The following PCDH7 variants were observed in gnomAD, a reference collection of about 807,000 sequenced individuals.
The protein encoded by PCDH7 is protocadherin-7.
In PCDH7, 17 loss-of-function variants were observed where a neutral mutation model predicts 58.9. The ratio of observed to expected loss-of-function variants is 0.29; its 90% CI spans 0.20 to 0.43. PCDH7 has a LOEUF of 0.43. Ranked by LOEUF, PCDH7 falls within the 20% of genes least tolerant of loss-of-function variation. The pLI, the probability that PCDH7 is intolerant of heterozygous loss-of-function variation, is 1.00. For synonymous variants in PCDH7, 664 were observed against 616.4 expected, an observed-to-expected ratio of 1.08 and a Z score of -1.14; for missense variants, 1,274 against 1,441.0, an observed-to-expected ratio of 0.88 and a Z score of 1.88.
At chr4:30,738,396 G>GAA (rs34376526) in intron 1 of PCDH7, among the ~76,000 whole-genome samples, 1 of 136,198 alleles carries the variant, frequency 7.3e-6, no homozygotes, top group African/African-American at 2.7e-5. Context: ...TTCTTAAATT[G>GAA]AAAAAAAAAA....
At chr4:30,922,295 C>T (rs1346516500) in intron 2 of PCDH7, among the ~76,000 whole-genome samples, 1 of 151,866 alleles carries the variant, frequency 6.6e-6, no homozygotes, top group East Asian at 1.9e-4. Flanking sequence ...ATTACCTGTT[C>T]ATGAGAACAT....
At chr4:31,050,722 C>T (rs1423036324) in intron 3 of PCDH7, among the ~76,000 whole-genome samples, 3 of 152,092 alleles carry the variant, frequency 2.0e-5, no homozygotes, top group African/African-American at 4.8e-5. Flanking sequence ...ATTAAGTTAC[C>T]TCTACTTCTA....
chr4:31,072,577 A>C (rs1202823030), intron 3 of PCDH7, among the ~76,000 whole-genome samples: 2 of 152,148 alleles, frequency 1.3e-5, no homozygotes, highest in Non-Finnish European at 2.9e-5. Flanking sequence ...GTGTAAGATC[A>C]TGTAGAGTTG....
intron 1 of PCDH7, among the ~76,000 whole-genome samples, chr4:30,865,431 C>T (rs1167578644): frequency 6.6e-6 from 1 of 151,902 alleles, no homozygotes; most frequent in Non-Finnish European, 1.5e-5. Flanking sequence ...GTTCCCATCC[C>T]TAAGGGTTCT....
intron 1 of PCDH7, among the ~76,000 whole-genome samples, chr4:30,766,245 A>G (rs1412978469): frequency 6.6e-6 from 1 of 152,046 alleles, no homozygotes; most frequent in Non-Finnish European, 1.5e-5. Flanking sequence ...AAGATATGCA[A>G]CCCATCCAAG....
At chr4:30,771,604 A>C (rs1721408921) in intron 1 of PCDH7, among the ~76,000 whole-genome samples, 1 of 152,176 alleles carries the variant, frequency 6.6e-6, no homozygotes, top group South Asian at 2.1e-4. Flanking sequence ...CATAAATGTG[A>C]TTTTTAAATT....
At chr4:30,894,328 G>A (rs972901634) in intron 1 of PCDH7, among the ~76,000 whole-genome samples, 22 of 150,974 alleles carry the variant, frequency 1.5e-4, no homozygotes, top group African/African-American at 5.3e-4. Context: ...TAGTATCACT[G>A]TCTGTGGCAA....
chr4:31,139,153 A>AT (rs1473149274), intron 3 of PCDH7, among the ~76,000 whole-genome samples: 2 of 152,064 alleles, frequency 1.3e-5, no homozygotes, highest in Non-Finnish European at 2.9e-5. Context: ...GATGGATACC[A>AT]TTTTTTTACT....
chr4:30,723,369 A>G lies in PCDH7; in HGVS notation c.1947A>G (p.Lys649=), dbSNP rs761426228. The G allele has an allele frequency of 6.2e-7, 1 of 1,614,276 alleles. No individual in the cohort carries two copies. Among genetic ancestry groups the G allele is most frequent in the East Asian group, 2.2e-5 (1 of 44,882 alleles). The stretch of plus-strand genomic sequence containing the variant: ...AGGACGTCTTCACCTTTTATGTGAA[A>G]GAAAACTTGCAGCCCAACAGCCCTG... Residue 649 remains lysine, a synonymous_variant, in exon 1 of 2, where the codon AAA becomes AAG. Transcript: ENST00000361762. The surrounding 1 kb of genome is among the most constrained non-coding windows in gnomAD (Gnocchi z 4.6).
At chr4:30,724,005 C>A in exon 1 of PCDH7, 1 of 1,614,188 alleles carries the variant, frequency 6.2e-7, no homozygotes, top group Middle Eastern at 1.6e-4. Flanking sequence ...ACATCCCACT[C>A]ACCCAGGATA....
chr4:30,759,577 T>C (rs1047975448), intron 1 of PCDH7, among the ~76,000 whole-genome samples: 7 of 152,266 alleles, frequency 4.6e-5, no homozygotes, highest in African/African-American at 1.7e-4. Flanking sequence ...TTATTGGATG[T>C]CAGGGGTTTA....
At chr4:30,906,184 A>G (rs1740894783) in intron 1 of PCDH7, among the ~76,000 whole-genome samples, 1 of 152,200 alleles carries the variant, frequency 6.6e-6, no homozygotes, top group Admixed American at 6.6e-5. Flanking sequence ...AAGTGAACAA[A>G]GTCTACCCTG....
chr4:30,785,592 G>A (rs986097453), intron 1 of PCDH7, among the ~76,000 whole-genome samples: 1 of 151,894 alleles, frequency 6.6e-6, no homozygotes, highest in South Asian at 2.1e-4. Flanking sequence ...ATAATATACT[G>A]TCAGAGCATT....
At chr4:30,843,258 G>T (rs370499616) in intron 1 of PCDH7, among the ~76,000 whole-genome samples, 1 of 152,058 alleles carries the variant, frequency 6.6e-6, no homozygotes, top group Non-Finnish European at 1.5e-5. Context: ...GTGGAGTGCA[G>T]TGGTGCAATC....
chr4:31,067,157 C>T (rs986992769), intron 3 of PCDH7, among the ~76,000 whole-genome samples: 5 of 151,848 alleles, frequency 3.3e-5, no homozygotes, highest in Non-Finnish European at 5.9e-5. Flanking sequence ...AGCTGTGAAG[C>T]GTGTTAAAAA....
At chr4:30,905,264 C>T (rs1330907378) in intron 1 of PCDH7, among the ~76,000 whole-genome samples, 1 of 152,014 alleles carries the variant, frequency 6.6e-6, no homozygotes, top group East Asian at 1.9e-4. Flanking sequence ...TAGTGTTTTA[C>T]ATACTACTGG....
chr4:31,087,241 A>G lies in PCDH7; in HGVS notation c.*8-55232A>G, dbSNP rs61794126. Among the ~76,000 whole-genome samples, 6,547 of 152,054 alleles carry G rather than the reference A, an allele frequency of 0.043. 709 individuals carry two copies. In the East Asian group the frequency reaches 0.48, roughly 11 times the overall value. ...GCTATGGGTAGATCAAAATCTTTTT[A>G]CTCATTGTGGTGTCTGCACCTTTTT... On this transcript the variant is annotated intron_variant, in intron 3 of 3. Coordinates refer to the PCDH7 transcript ENST00000509759.
At chr4:31,126,398 G>T (rs551899289) in intron 3 of PCDH7, among the ~76,000 whole-genome samples, 6 of 151,978 alleles carry the variant, frequency 3.9e-5, no homozygotes, top group African/African-American at 1.5e-4. Context: ...GGCCTTAAGC[G>T]ATCTGCTCAC....
chr4:30,790,164 A>T (rs1355719506), intron 1 of PCDH7, among the ~76,000 whole-genome samples: 1 of 152,186 alleles, frequency 6.6e-6, no homozygotes, highest in African/African-American at 2.4e-5. Context: ...TGGTAAATAC[A>T]CTTTAGTTGA....
Sources: gnomAD v4.1 joint callset for allele counts (sites outside exome capture counted in the v4.1 genomes callset) on GRCh38, gnomAD v4.1.1 for gene constraint, Gnocchi (gnomAD v3.1) non-coding constraint, MANE v1.5 for transcripts, NCBI Gene and HGNC (gene_info 2026-07-23, HGNC 2026-07-21) for gene names.